RELN: variants seen among roughly 807,000 people sequenced by gnomAD.
The protein encoded by RELN is reelin.
Under a neutral mutation model 427.6 loss-of-function variants are expected in RELN, and 108 were observed. The ratio of observed to expected loss-of-function variants is 0.25; its 90% CI spans 0.22 to 0.30. The LOEUF (loss-of-function observed/expected upper bound fraction) is 0.30. Among genes scored for constraint, RELN ranks in the 10% least tolerant of loss-of-function variants. The pLI, the probability that RELN is intolerant of heterozygous loss-of-function variation, is 1.00. For synonymous variants in RELN, 1,524 were observed against 1,513.4 expected (o/e 1.01, Z -0.16); for missense variants, 3,715 against 4,302.8 (o/e 0.86, Z 3.82).
intron 36 of RELN, among the ~76,000 whole-genome samples, chr7:103,558,382 AGAG>A (rs1024840807): frequency 3.3e-5 from 5 of 152,144 alleles, no homozygotes; most frequent in Admixed American, 6.6e-5. Context: ...GCATGTTATG[AGAG>A]GAGTAACGAG....
chr7:103,895,085 C>T (rs920768813), intron 2 of RELN, among the ~76,000 whole-genome samples: 3 of 152,100 alleles, frequency 2.0e-5, no homozygotes, highest in Admixed American at 6.6e-5. Context: ...TTAACAGATT[C>T]TTCTAGGTAC....
intron 10 of RELN, among the ~76,000 whole-genome samples, chr7:103,685,748 C>T (rs1305210540): frequency 6.6e-6 from 1 of 151,986 alleles, no homozygotes; most frequent in Non-Finnish European, 1.5e-5. Flanking sequence ...TTCTCTTTGT[C>T]AATCAAAAAT....
intron 2 of RELN, among the ~76,000 whole-genome samples, chr7:103,902,439 G>A (rs1584349432): frequency 6.6e-6 from 1 of 151,956 alleles, no homozygotes; most frequent in Non-Finnish European, 1.5e-5. Flanking sequence ...GAGTTCAAGT[G>A]GAGAGGAACT....
chr7:103,771,699 C>A (rs1376190882), intron 4 of RELN, among the ~76,000 whole-genome samples: 1 of 152,196 alleles, frequency 6.6e-6, no homozygotes, highest in Non-Finnish European at 1.5e-5. Context: ...CAGATTTCCT[C>A]CCTGTTCTCA....
At chr7:103,901,569 A>C (rs1453453157) in intron 2 of RELN, among the ~76,000 whole-genome samples, 1 of 152,070 alleles carries the variant, frequency 6.6e-6, no homozygotes, top group African/African-American at 2.4e-5. Flanking sequence ...TTATTCAGTC[A>C]CAATAAGAAT....
At chr7:103,609,885 C>A (rs1308021534) in intron 22 of RELN, among the ~76,000 whole-genome samples, 1 of 152,152 alleles carries the variant, frequency 6.6e-6, no homozygotes, top group Non-Finnish European at 1.5e-5. Context: ...CTTAGAACTA[C>A]AGGACTGGAG....
chr7:103,768,904 C>T (rs962102423), intron 4 of RELN, among the ~76,000 whole-genome samples: 5 of 152,156 alleles, frequency 3.3e-5, no homozygotes, highest in African/African-American at 1.2e-4. Context: ...CTAAGTCTAA[C>T]CCCCTATATA....
chr7:103,635,725 T>C (rs188275882), intron 18 of RELN, 139 bp from the exon 19 acceptor site: 168 of 692,376 alleles, frequency 2.4e-4, no homozygotes, highest in Admixed American at 5.6e-4. Flanking sequence ...TTGTTAGATA[T>C]ATGAATATGT....
At chr7:103,630,935 G>A (rs59004235) in intron 19 of RELN, among the ~76,000 whole-genome samples, 1 of 142,980 alleles carries the variant, frequency 7.0e-6, no homozygotes, top group South Asian at 2.2e-4. Context: ...GAATAACTTA[G>A]AAAGAAATTA....
At chr7:103,619,999 T>G (rs1163400199) in intron 20 of RELN, among the ~76,000 whole-genome samples, 1 of 152,184 alleles carries the variant, frequency 6.6e-6, no homozygotes, top group Non-Finnish European at 1.5e-5. Flanking sequence ...TTCTGTCCAC[T>G]ACTTTTGATA....
chr7:103,943,739 T>C (rs1796161765), intron 1 of RELN, among the ~76,000 whole-genome samples: 1 of 147,824 alleles, frequency 6.8e-6, no homozygotes, highest in African/African-American at 2.5e-5. Flanking sequence ...TACCAGCTAC[T>C]TGGGAGGCTG....
At position 103,492,668 on chromosome 7, in the gene RELN, A is replaced by C. The variant is rs76416370; in HGVS notation, c.9370-642T>G. Among the ~76,000 whole-genome samples the C allele has an allele frequency of 1.7e-3, 253 of 152,300 alleles. 1 individual carries two copies. The highest frequency in any genetic ancestry group is 5.8e-3 in the African/African-American group (243 of 41,566). ...AGGCCATACAGTCATGAATAAAACA[A>C]CTCTAAATTCAGAGAGAGAATAAGA... On this transcript the variant is annotated intron_variant, in intron 57 of 64. Coordinates refer to ENST00000428762, the MANE Select transcript of RELN (RefSeq NM_005045.4).
Position 103,515,187 on chromosome 7 carries a change from G to A in RELN, c.8117C>T (p.Ser2706Leu), listed in dbSNP as rs754633660. The A allele has an allele frequency of 6.2e-7, 1 of 1,614,152 alleles. No individual in the cohort carries two copies. The highest frequency in any genetic ancestry group is 1.3e-5 in the African/African-American group (1 of 75,032). Residue 2706 changes from serine (S) to leucine (L), a missense_variant and splice_region_variant, in exon 50 of 65, where the codon TCA becomes TTA. Transcript: ENST00000428762. ...ATTTAGCGCTGTGCATAATTTACCT[G>A]AAGTTTTGTCTTCCATAAACATGTC... The part of the protein sequence containing the change: ...AFDMFMEDKT[S>L]VNEHWLFHDD...
chr7:103,911,730 C>A (rs575620839), intron 2 of RELN, among the ~76,000 whole-genome samples: 39 of 140,974 alleles, frequency 2.8e-4, no homozygotes, highest in African/African-American at 1.0e-3. Flanking sequence ...TGGAAATCAT[C>A]ATTCTCAGTA....
intron 3 of RELN, among the ~76,000 whole-genome samples, chr7:103,810,871 T>A (rs35076854): frequency 0.17 from 26,036 of 152,164 alleles, 2,913 homozygotes; most frequent in South Asian, 0.38. Flanking sequence ...GTTGTTTGCT[T>A]CCAAACAAGA....
chr7:103,627,255 T>C (rs1832348533), intron 20 of RELN, among the ~76,000 whole-genome samples: 1 of 152,134 alleles, frequency 6.6e-6, no homozygotes, highest in Admixed American at 6.6e-5. Context: ...AATTTTTACT[T>C]AATAAGACAA....
At chr7:103,769,986 C>T in intron 4 of RELN, among the ~76,000 whole-genome samples, 1 of 152,140 alleles carries the variant, frequency 6.6e-6, no homozygotes, top group East Asian at 1.9e-4. Context: ...CAGAATTGTC[C>T]CCACTTCCAG....
intron 2 of RELN, among the ~76,000 whole-genome samples, chr7:103,837,200 C>T (rs1394401793): frequency 1.3e-5 from 2 of 152,164 alleles, no homozygotes; most frequent in Non-Finnish European, 2.9e-5. Flanking sequence ...GTCTCTCTGT[C>T]CTGTCTCACT....
In RELN at chr7:103,565,910, T is replaced by C. The variant is rs141727559; in HGVS notation, c.4936+314A>G. The stretch of plus-strand genomic sequence containing the variant: ...ATTGGGATATCCAGCACTTCAAACA[T>C]CTATCTTTTTTTAAACATAGAGTCT... On this transcript the variant is annotated intron_variant, in intron 33 of 64. Coordinates refer to ENST00000428762, the MANE Select transcript of RELN (RefSeq NM_005045.4). 2.2e-4 allele frequency among the ~76,000 whole-genome samples: 33 copies of C among 152,326 alleles called. No homozygotes were observed. In the East Asian group the frequency reaches 2.3e-3, roughly 11 times the overall value.
Sources: gnomAD v4.1 joint callset for allele counts (sites outside exome capture counted in the v4.1 genomes callset) on GRCh38, gnomAD v4.1.1 for gene constraint, MANE v1.5 for transcripts, NCBI Gene and HGNC (gene_info 2026-07-23, HGNC 2026-07-21) for gene names.